Variants in RIN3 observed in about 807,000 individuals in gnomAD.
RIN3 encodes RAB5 interacting protein 3.
Under a neutral mutation model 76.3 loss-of-function variants are expected in RIN3, and 54 were observed. That is an observed-to-expected ratio of 0.71 (90% CI 0.57 to 0.89). The LOEUF is 0.89. Among genes scored for constraint, RIN3 ranks in the 40% least tolerant of loss-of-function variants. The pLI is 0.00. For missense variants in RIN3, 1,256 were observed against 1,322.1 expected (o/e 0.95, Z 0.78); for synonymous variants, 576 against 564.0 (o/e 1.02, Z -0.30).
chr14:92,610,955 G>A (rs1885708153), intron 3 of RIN3, among the ~76,000 whole-genome samples: 1 of 152,156 alleles, frequency 6.6e-6, no homozygotes, highest in Non-Finnish European at 1.5e-5. Context: ...CACTCCCATG[G>A]CATAATTTAT....
chr14:92,609,497 C>T (rs1217954229), intron 3 of RIN3, among the ~76,000 whole-genome samples: 1 of 152,170 alleles, frequency 6.6e-6, no homozygotes, highest in African/African-American at 2.4e-5. Context: ...AGAATGTACT[C>T]AGCGTGACAA....
At chr14:92,527,527 G>T (rs151166960) in intron 1 of RIN3, among the ~76,000 whole-genome samples, 2 of 152,124 alleles carry the variant, frequency 1.3e-5, no homozygotes, top group African/African-American at 4.8e-5. Context: ...GTAACAAACT[G>T]TAATTTACAC....
At chr14:92,645,688 G>A (rs1026135070) in intron 5 of RIN3, among the ~76,000 whole-genome samples, 1 of 152,262 alleles carries the variant, frequency 6.6e-6, no homozygotes, top group Non-Finnish European at 1.5e-5. Context: ...GGGCGCAGTG[G>A]CTCACGCCTG....
rs1888935184 is a variant in RIN3 at position 92,688,035 on chromosome 14, C to T, written c.2741C>T (p.Ala914Val). ...TGCGCGCAGTGCGCGGAGAAGTTCG[C>T]GGTGGAGCGGCCGCAGGCGCACCGG... The part of the protein sequence containing the change: ...ALCAQCAEKF[A>V]VERPQAHRLF... The change falls in exon 10 of 10, where the codon GCG (alanine) becomes GTG (valine). Residue 914 changes from alanine (A) to valine (V), a missense_variant. This residue lies in a region of RIN3 where 218 missense variants were observed against 174.5 expected (regional missense o/e 1.25). Transcript: ENST00000216487. 1 of 1,595,220 alleles carries T rather than the reference C, an allele frequency of 6.3e-7. No homozygotes were observed. The highest frequency in any genetic ancestry group is 8.5e-7 in the Non-Finnish European group (1 of 1,172,550).
chr14:92,544,231 A>G (rs1452961301), intron 1 of RIN3, among the ~76,000 whole-genome samples: 2 of 152,034 alleles, frequency 1.3e-5, no homozygotes, highest in African/African-American at 2.4e-5. Flanking sequence ...CCTGTTCACC[A>G]CACTATGGAA....
chr14:92,516,232 T>A (rs1000526667), intron 1 of RIN3, among the ~76,000 whole-genome samples: 8 of 152,154 alleles, frequency 5.3e-5, no homozygotes, highest in Non-Finnish European at 1.2e-4. Flanking sequence ...AATTTAACAA[T>A]GAGGAACCAG....
intron 1 of RIN3, among the ~76,000 whole-genome samples, chr14:92,522,767 G>GT (rs1223491886): frequency 1.3e-5 from 2 of 152,182 alleles, no homozygotes; most frequent in Non-Finnish European, 2.9e-5. Context: ...TTTGCTGGGT[G>GT]TAAGTTTTAG....
intron 7 of RIN3, among the ~76,000 whole-genome samples, chr14:92,673,369 T>C (rs1376434169): frequency 6.6e-6 from 1 of 152,208 alleles, no homozygotes; most frequent in Non-Finnish European, 1.5e-5. Flanking sequence ...TGTGGAAATA[T>C]ATTGTTGTTT....
At position 92,577,249 on chromosome 14, in the gene RIN3, C is replaced by T; in HGVS notation, c.250-111C>T. ...CCTGAGGCATCCTTGATCTCCCTAG[C>T]CTGCCTCATCATTTCAGGAACCTTC... On this transcript the variant is annotated intron_variant, in intron 2 of 9. Coordinates refer to ENST00000216487, the MANE Select transcript of RIN3 (RefSeq NM_024832.5). 1.6e-5 allele frequency: 11 copies of T among 697,260 alleles called. 1 individual carries two copies. In the South Asian group the frequency reaches 1.8e-4, roughly 11 times the overall value. 43.2% of individuals were successfully genotyped at this position (697,260 alleles called of 1,614,324 possible).
At chr14:92,576,294 G>A (rs1027706192) in intron 2 of RIN3, 18 of 1,289,492 alleles carry the variant, frequency 1.4e-5, no homozygotes, top group Non-Finnish European at 1.8e-5. Flanking sequence ...GCTTGCCTTC[G>A]GGACCCTCAC....
chr14:92,569,197 T>C (rs1834352360), intron 2 of RIN3, among the ~76,000 whole-genome samples: 1 of 152,214 alleles, frequency 6.6e-6, no homozygotes, highest in Non-Finnish European at 1.5e-5. Flanking sequence ...TCTGATTCTC[T>C]TTCACAGTAA....
chr14:92,557,307 A>T lies in RIN3; in HGVS notation c.249+1352A>T, dbSNP rs1225962817. On this transcript the variant is annotated intron_variant, in intron 2 of 9. Transcript: ENST00000216487. ...CATTGAGTGCCCTCCCCCAGGGGAC[A>T]CAGTGAGTAAATAGCAGAGTGGGAA... 2.6e-5 allele frequency among the ~76,000 whole-genome samples: 4 copies of T among 152,354 alleles called. No homozygotes were observed. In the East Asian group the frequency reaches 7.7e-4, roughly 29 times the overall value.
At chr14:92,547,051 A>AAATAATCTTTATTTTATTAT (rs1159971136) in intron 1 of RIN3, among the ~76,000 whole-genome samples, 1 of 122,582 alleles carries the variant, frequency 8.2e-6, no homozygotes, top group African/African-American at 2.8e-5. Context: ...TTTTATTATA[A>AAATAATCTTTATTTTATTAT]TAAAATAAAT....
At chr14:92,561,266 G>A (rs1019086546) in intron 2 of RIN3, among the ~76,000 whole-genome samples, 19 of 150,240 alleles carry the variant, frequency 1.3e-4, no homozygotes, top group Non-Finnish European at 2.5e-4. Context: ...GAAAGACAGT[G>A]CTTCATTGTG....
chr14:92,592,999 A>G (rs1885039434), intron 3 of RIN3, among the ~76,000 whole-genome samples: 1 of 151,490 alleles, frequency 6.6e-6, no homozygotes, highest in African/African-American at 2.4e-5. Flanking sequence ...TTTCCTGAAT[A>G]TTTTCAATCC....
intron 7 of RIN3, among the ~76,000 whole-genome samples, chr14:92,674,837 C>T (rs908166044): frequency 1.0e-4 from 15 of 149,300 alleles, no homozygotes; most frequent in African/African-American, 2.2e-4. Flanking sequence ...TGCAGTGAGC[C>T]GAGATGGCAC....
At chr14:92,605,867 GAGA>G (rs1423453311) in intron 3 of RIN3, among the ~76,000 whole-genome samples, 1 of 152,206 alleles carries the variant, frequency 6.6e-6, no homozygotes, top group Non-Finnish European at 1.5e-5. Flanking sequence ...TATCAATAGA[GAGA>G]AGAATTGACC....
intron 6 of RIN3, among the ~76,000 whole-genome samples, chr14:92,658,536 A>C (rs1887755395): frequency 6.6e-6 from 1 of 152,256 alleles, no homozygotes; most frequent in African/African-American, 2.4e-5. Flanking sequence ...TTACGATCAA[A>C]GATGTCATAA....
In RIN3 at chr14:92,562,090, T is replaced by A. The variant is rs535312436; in HGVS notation, c.249+6135T>A. On this transcript the variant is annotated intron_variant, in intron 2 of 9. Transcript: ENST00000216487. ...CTTGGCTGTGACATTTGCTCAGACT[T>A]CCTTTGTTTTTGATGACCTTGGCAG... is the stretch of plus-strand genomic sequence containing the variant. Among the ~76,000 whole-genome samples the A allele has an allele frequency of 8.3e-4, 127 of 152,348 alleles. 1 individual carries two copies. Among genetic ancestry groups the A allele is most frequent in the African/African-American group, 2.8e-3 (118 of 41,590 alleles).
Sources: gnomAD v4.1 joint callset for allele counts (sites outside exome capture counted in the v4.1 genomes callset) on GRCh38, gnomAD v4.1.1 for gene constraint, gnomAD v4.1.1 regional missense constraint, MANE v1.5 for transcripts, NCBI Gene and HGNC (gene_info 2026-07-23, HGNC 2026-07-21) for gene names.